The following EPHA6 variants were observed in gnomAD, a reference collection of about 807,000 sequenced individuals.
EPHA6 encodes the protein EPH receptor A6, also known as ephrin type-A receptor 6.
A neutral mutation model predicts 112.0 loss-of-function variants in EPHA6; 50 were observed. The observed-to-expected ratio is 0.45, with a 90% CI of 0.36 to 0.56. The LOEUF is 0.56. Ranked by LOEUF, EPHA6 falls within the 20% of genes least tolerant of loss-of-function variation. EPHA6 has a pLI of 0.00. For missense variants in EPHA6, 1,280 were observed against 1,417.4 expected (o/e 0.90, Z 1.56); for synonymous variants, 529 against 490.7 (o/e 1.08, Z -1.03).
In EPHA6 at chr3:97,751,613, C is replaced by T. The variant is rs1214997943; in HGVS notation, c.*2912C>T. 2.0e-5 allele frequency among the ~76,000 whole-genome samples: 3 copies of T among 151,902 alleles called. No homozygotes were observed. Among genetic ancestry groups the T allele is most frequent in the South Asian group, 2.1e-4 (1 of 4,824 alleles). ...TTCAGGAATATAAACAGTTAAAATG[C>T]CAAATTCATCTGAAAATTTTACATG... On this transcript the variant is annotated 3_prime_UTR_variant, in exon 18 of 18. Transcript: ENST00000389672.
chr3:96,986,813 G>T (rs6795882), intron 2 of EPHA6, among the ~76,000 whole-genome samples: 18,963 of 152,102 alleles, frequency 0.12, 3,598 homozygotes, highest in African/African-American at 0.41. Context: ...ATGTCTGTTT[G>T]CTATTGAAGT....
At chr3:97,441,877 G>A (rs2107282762) in intron 6 of EPHA6, among the ~76,000 whole-genome samples, 1 of 152,016 alleles carries the variant, frequency 6.6e-6, no homozygotes, top group East Asian at 1.9e-4. Flanking sequence ...CTAACTAACA[G>A]AGAGAAAATG....
At chr3:97,311,934 C>T (rs1488521476) in intron 5 of EPHA6, among the ~76,000 whole-genome samples, 1 of 151,620 alleles carries the variant, frequency 6.6e-6, no homozygotes, top group Non-Finnish European at 1.5e-5. Flanking sequence ...ATTAATATCT[C>T]AACAATATTT....
chr3:97,715,346 A>G (rs1483658672), intron 14 of EPHA6, among the ~76,000 whole-genome samples: 3 of 152,250 alleles, frequency 2.0e-5, no homozygotes, highest in Non-Finnish European at 4.4e-5. Flanking sequence ...CACACAGTGA[A>G]CTATAGTAAA....
intron 5 of EPHA6, among the ~76,000 whole-genome samples, chr3:97,280,960 A>G (rs2080264276): frequency 6.6e-6 from 1 of 152,202 alleles, no homozygotes; most frequent in Admixed American, 6.5e-5. Flanking sequence ...CTCCCTCTGA[A>G]TAATAGTGAA....
At chr3:96,832,438 A>T (rs976429124) in intron 1 of EPHA6, among the ~76,000 whole-genome samples, 2 of 152,084 alleles carry the variant, frequency 1.3e-5, no homozygotes, top group Admixed American at 6.6e-5. Flanking sequence ...GTCCTGATAA[A>T]ACTCTTATTC....
intron 12 of EPHA6, among the ~76,000 whole-genome samples, chr3:97,598,876 C>G (rs1189072860): frequency 6.7e-6 from 1 of 150,078 alleles, no homozygotes; most frequent in African/African-American, 2.4e-5. Context: ...GTTTACAGTC[C>G]CACCAACAGT....
intron 11 of EPHA6, among the ~76,000 whole-genome samples, chr3:97,560,159 T>TA (rs1007183026): frequency 3.5e-4 from 51 of 145,428 alleles, no homozygotes; most frequent in Admixed American, 6.1e-4. Flanking sequence ...ATGATTGAAA[T>TA]AAAAAAAAAA....
chr3:97,025,738 A>G (rs551722531), intron 3 of EPHA6, among the ~76,000 whole-genome samples: 11 of 152,100 alleles, frequency 7.2e-5, no homozygotes, highest in Admixed American at 2.6e-4. Context: ...GCAGGTGCAC[A>G]CCACCACACC....
At chr3:97,619,000 G>A (rs539699123) in intron 13 of EPHA6, among the ~76,000 whole-genome samples, 2 of 152,138 alleles carry the variant, frequency 1.3e-5, no homozygotes, top group East Asian at 3.9e-4. Flanking sequence ...AAACATCAAT[G>A]CAAAAATCCT....
chr3:97,175,636 T>A (rs1184752667), intron 3 of EPHA6, among the ~76,000 whole-genome samples: 1 of 151,742 alleles, frequency 6.6e-6, no homozygotes, highest in Non-Finnish European at 1.5e-5. Context: ...TGTATTTAAT[T>A]TTTTGTGTGG....
intron 6 of EPHA6, among the ~76,000 whole-genome samples, chr3:97,444,054 C>T (rs1403210657): frequency 6.6e-6 from 1 of 151,990 alleles, no homozygotes; most frequent in Non-Finnish European, 1.5e-5. Flanking sequence ...AAAATATTAC[C>T]AGTTCTTATT....
chr3:97,111,808 C>T (rs911041645), intron 3 of EPHA6, among the ~76,000 whole-genome samples: 3 of 152,108 alleles, frequency 2.0e-5, no homozygotes, highest in Admixed American at 1.3e-4. Context: ...ATTCATTTGA[C>T]GGCACTGAAG....
At chr3:97,031,262 G>T (rs1476226464) in intron 3 of EPHA6, among the ~76,000 whole-genome samples, 1 of 152,050 alleles carries the variant, frequency 6.6e-6, no homozygotes, top group Non-Finnish European at 1.5e-5. Flanking sequence ...GCTGAAACTG[G>T]ATCCATTCCT....
chr3:97,096,015 C>G (rs1447067543), intron 3 of EPHA6, among the ~76,000 whole-genome samples: 4 of 151,926 alleles, frequency 2.6e-5, no homozygotes, highest in African/African-American at 9.7e-5. Flanking sequence ...TTTAAGAACC[C>G]TGTCCTAGGG....
At chr3:96,948,541 G>A (rs1045526822) in intron 2 of EPHA6, among the ~76,000 whole-genome samples, 95 of 152,224 alleles carry the variant, frequency 6.2e-4, no homozygotes, top group Non-Finnish European at 2.4e-4. Flanking sequence ...AAAATGCTAA[G>A]TATTTAAAAT....
At chr3:97,043,255 C>G (rs1162922128) in intron 3 of EPHA6, among the ~76,000 whole-genome samples, 11 of 152,064 alleles carry the variant, frequency 7.2e-5, no homozygotes, top group Non-Finnish European at 4.4e-5. Context: ...TGTAATATCT[C>G]AGTGGTAGCT....
At chr3:97,381,441 T>C (rs1357628130) in intron 5 of EPHA6, among the ~76,000 whole-genome samples, 1 of 152,052 alleles carries the variant, frequency 6.6e-6, no homozygotes, top group Non-Finnish European at 1.5e-5. Context: ...AATAAGTGAA[T>C]TGCCAAGAGT....
At chr3:96,905,415 G>A (rs2038878920) in intron 2 of EPHA6, among the ~76,000 whole-genome samples, 1 of 151,596 alleles carries the variant, frequency 6.6e-6, no homozygotes, top group African/African-American at 2.4e-5. Context: ...TCACTCCGTG[G>A]CACTTGGCTT....
Sources: gnomAD v4.1 joint callset for allele counts (sites outside exome capture counted in the v4.1 genomes callset) on GRCh38, gnomAD v4.1.1 for gene constraint, MANE v1.5 for transcripts, NCBI Gene and HGNC (gene_info 2026-07-23, HGNC 2026-07-21) for gene names.